The following ANO9 variants were observed in gnomAD, a reference collection of about 807,000 sequenced individuals.
ANO9 encodes the protein anoctamin-9.
A neutral mutation model predicts 100.5 loss-of-function variants in ANO9; 80 were observed. That is an observed-to-expected ratio of 0.80 (90% CI 0.66 to 0.96). ANO9 has a LOEUF of 0.96. Among genes scored for constraint, ANO9 ranks in the 40% least tolerant of loss-of-function variants. ANO9 has a pLI of 0.00. For missense variants in ANO9, 1,064 were observed against 1,072.7 expected (o/e 0.99, Z 0.11); for synonymous variants, 473 against 435.6 (o/e 1.09, Z -1.07).
chr11:433,495 A>G, intron 3 of ANO9, 36 bp from the exon 4 acceptor site: 1 of 1,590,646 alleles, frequency 6.3e-7, no homozygotes, highest in Non-Finnish European at 8.6e-7. Flanking sequence ...CCACCTCAGA[A>G]CCCTCCCCGC....
In ANO9 at chr11:432,367, T is replaced by TGCGGGCCCCATGTGTCCAGA. The variant is rs1590488793; in HGVS notation, c.351-333_351-314dup. On this transcript the variant is annotated intron_variant, in intron 4 of 22. Coordinates refer to ENST00000332826, the MANE Select transcript of ANO9 (RefSeq NM_001012302.3). The surrounding 1 kb of genome is among the most constrained non-coding windows in gnomAD (Gnocchi z 4.8). ...CGCACCTGCAACCACACCTCCCACC[T>TGCGGGCCCCATGTGTCCAGA]GCGGGCCCCATGTGTCCAGAGCACA... The TGCGGGCCCCATGTGTCCAGA allele has an allele frequency of 2.2e-6, 1 of 452,320 alleles. No homozygotes were observed. Among genetic ancestry groups the TGCGGGCCCCATGTGTCCAGA allele is most frequent in the East Asian group, 4.1e-5 (1 of 24,384 alleles). The allele number at this position is 452,320 out of a possible 1,614,324, so 28.0% of individuals were successfully genotyped here. A position where few individuals can be genotyped will look rare whatever the true frequency, so the allele number is the denominator to read the frequency against.
rs1259256588 is a variant in ANO9, at chr11:420,535, C to T, written c.1714G>A (p.Glu572Lys). ...PLLALFSNLV[E>K]IRLDAIKMVW... Reference sequence around the variant, plus strand: ...ATCTTGATGGCGTCCAGGCGGATCTCCACGAGGTTGCTGAAGAGCGCGAGC... The same window carrying T: ...ATCTTGATGGCGTCCAGGCGGATCTTCACGAGGTTGCTGAAGAGCGCGAGC... The change falls in exon 19 of 23, where the codon GAG becomes AAG. Residue 572 changes from glutamate to lysine, a missense_variant. By Grantham distance (56) the Glu-to-Lys change is moderately conservative. Transcript: ENST00000332826. 1 of 1,606,160 alleles carries T rather than the reference C, an allele frequency of 6.2e-7. No individual in the cohort carries two copies. The highest frequency in any genetic ancestry group is 1.1e-5 in the South Asian group (1 of 91,026).
At chr11:436,066 T>TA (rs912928812) in intron 1 of ANO9, among the ~76,000 whole-genome samples, 8 of 138,754 alleles carry the variant, frequency 5.8e-5, no homozygotes, top group African/African-American at 2.2e-4. Context: ...TTCTTTCCTT[T>TA]TTTTTTTTTT....
intron 19 of ANO9, chr11:420,027 G>T: frequency 7.4e-7 from 1 of 1,345,884 alleles, no homozygotes; most frequent in Non-Finnish European, 9.6e-7. Flanking sequence ...CCACCCCAGG[G>T]TAAGACCTTG....
chr11:428,553 G>T lies in ANO9; in HGVS notation c.1107C>A (p.Phe369Leu). Reference protein sequence around the residue: ...SALFSSSAVPFLEEQVTTAVV... With the variant: ...SALFSSSAVPLLEEQVTTAVV... Reference sequence around the variant, plus strand: ...CGGCCGTGGTCACCTGCTCCTCCAGGAAGGGCACGGCCGAGCTGCTGAAGA... The same window carrying T: ...CGGCCGTGGTCACCTGCTCCTCCAGTAAGGGCACGGCCGAGCTGCTGAAGA... Residue 369 changes from phenylalanine to leucine, a missense_variant, in exon 13 of 23, where the codon TTC becomes TTA. Transcript: ENST00000332826. The T allele has an allele frequency of 1.2e-6, 2 of 1,612,700 alleles. No homozygotes were observed. The highest frequency in any genetic ancestry group is 8.5e-7 in the Non-Finnish European group (1 of 1,179,930).
rs1351035491 is a variant in ANO9 at position 441,993 on chromosome 11, TCCTA to T, written c.-71_-68del. On this transcript the variant is annotated 5_prime_UTR_variant, in exon 1 of 23. Transcript: ENST00000332826. The stretch of plus-strand genomic sequence containing the variant: ...GAGAGTGGCTGCCAGCGGCGGGTGC[TCCTA>T]CCTGACTTCCGCGTGGGGCTCGCCC... 1 of 1,577,406 alleles carries T rather than the reference TCCTA, an allele frequency of 6.3e-7. No individual in the cohort carries two copies. The highest frequency in any genetic ancestry group is 1.3e-5 in the African/African-American group (1 of 74,654).
Position 420,730 on chromosome 11 carries a change from A to T in ANO9, c.1621T>A (p.Phe541Ile). The T allele has an allele frequency of 6.2e-7, 1 of 1,608,518 alleles. No individual in the cohort carries two copies. Among genetic ancestry groups the T allele is most frequent in the Non-Finnish European group, 8.5e-7 (1 of 1,178,516 alleles). ...PVNTFSLFDE[F>I]MEMMIQYGFT... is the part of the protein sequence containing the mutation. ...AGCGCCCACGCACTCATCTCCATGA[A>T]CTCGTCGAACAGGCTGAAGGTGTTG... Residue 541 changes from phenylalanine to isoleucine, a missense_variant, in exon 18 of 23, where the codon TTC becomes ATC. By Grantham distance (21) the Phe-to-Ile change is conservative. Coordinates refer to ENST00000332826, the MANE Select transcript of ANO9 (RefSeq NM_001012302.3).
chr11:437,463 G>A (rs1052810942), intron 1 of ANO9, among the ~76,000 whole-genome samples: 10 of 151,564 alleles, frequency 6.6e-5, no homozygotes, highest in Non-Finnish European at 1.5e-5. Context: ...TCCTATCCTA[G>A]ACCAGTAGTT....
At chr11:438,637 G>A (rs1845580864) in intron 1 of ANO9, among the ~76,000 whole-genome samples, 1 of 149,332 alleles carries the variant, frequency 6.7e-6, no homozygotes, top group Non-Finnish European at 1.5e-5. Flanking sequence ...CATCCCCCGG[G>A]CCACAGCCAC....
intron 15 of ANO9, among the ~76,000 whole-genome samples, chr11:425,964 C>A (rs1024195122): frequency 1.3e-5 from 2 of 152,064 alleles, no homozygotes; most frequent in African/African-American, 4.8e-5. Flanking sequence ...AATCTCTTGA[C>A]CTCATGATCC....
At chr11:434,820 G>A (rs926547264) in intron 1 of ANO9, among the ~76,000 whole-genome samples, 6 of 152,160 alleles carry the variant, frequency 3.9e-5, no homozygotes, top group Admixed American at 1.3e-4. Context: ...TTCCGGAGGA[G>A]GGGAATTTGC....
intron 1 of ANO9, 82 bp from the exon 2 acceptor site, chr11:434,180 A>G: frequency 2.0e-6 from 3 of 1,467,684 alleles, no homozygotes; most frequent in Non-Finnish European, 2.8e-6. Context: ...CCTGCAGCGG[A>G]CCACATGGTC....
At chr11:419,158 G>A (rs1848021644) in intron 20 of ANO9, 169 bp from the exon 21 acceptor site, 4 of 1,443,124 alleles carry the variant, frequency 2.8e-6, no homozygotes, top group Non-Finnish European at 3.6e-6. Flanking sequence ...TTCACATCCG[G>A]GGGCCTTGTG....
rs1364417021 is a variant in ANO9, at chr11:419,412, TGCC to T, written c.1934+167_1934+169del. On this transcript the variant is annotated intron_variant, in intron 20 of 22. Coordinates refer to ENST00000332826, the MANE Select transcript of ANO9 (RefSeq NM_001012302.3). ...TATCCCTGACCTCCAGCCCAGGGCC[TGCC>T]GTCAGTGGGCGCAGGGCAGGGGCCA... 2.8e-6 allele frequency: 4 copies of T among 1,426,222 alleles called. No individual in the cohort carries two copies. In the African/African-American group the frequency reaches 5.8e-5, roughly 21 times the overall value. The allele number at this position is 1,426,222 out of a possible 1,614,324, so 88.3% of individuals were successfully genotyped here.
intron 1 of ANO9, 117 bp downstream of exon 1, chr11:441,804 C>A (rs925457471): frequency 1.3e-5 from 18 of 1,432,326 alleles, no homozygotes; most frequent in African/African-American, 2.9e-5. Context: ...CAGGGACCCC[C>A]CCCACACACA....
Position 429,820 on chromosome 11 carries a change from T to G in ANO9, c.772-2A>C. The G allele has an allele frequency of 6.4e-7, 1 of 1,570,658 alleles. No individual in the cohort carries two copies. The highest frequency in any genetic ancestry group is 8.6e-7 in the Non-Finnish European group (1 of 1,156,640). ...ATCATTGTCAAAGAGGTGGGTGAGC[T>G]GGGGGGGTGATAGGTGGGCCGGAGA... On this transcript the variant is annotated splice_acceptor_variant, in intron 9 of 22. Coordinates refer to ENST00000332826, the MANE Select transcript of ANO9 (RefSeq NM_001012302.3). LOFTEE classifies it high-confidence loss of function.
intron 1 of ANO9, among the ~76,000 whole-genome samples, chr11:434,304 G>A (rs1035477833): frequency 6.6e-6 from 1 of 152,214 alleles, no homozygotes; most frequent in African/African-American, 2.4e-5. Flanking sequence ...TGTGGAAACA[G>A]AAGCGCGTGA....
Position 420,557 on chromosome 11 carries a change from G to C in ANO9, c.1692C>G (p.Leu564=), listed in dbSNP as rs958037368. ...TCTCCACGAGGTTGCTGAAGAGCGC[G>C]AGCAGCGGCGCCAGCGGGAAGGCGG... ...FVAAFPLAPL[L]ALFSNLVEIR... is the part of the protein sequence containing the mutation. The change falls in exon 19 of 23, where the codon CTC becomes CTG. Residue 564 remains leucine, a synonymous_variant. Coordinates refer to ENST00000332826, the MANE Select transcript of ANO9 (RefSeq NM_001012302.3). 5 of 1,605,568 alleles carry C rather than the reference G, an allele frequency of 3.1e-6. No homozygotes were observed. Among genetic ancestry groups the C allele is most frequent in the Non-Finnish European group, 3.4e-6 (4 of 1,179,580 alleles).
chr11:441,628 T>C (rs756615061), intron 1 of ANO9, among the ~76,000 whole-genome samples: 1 of 152,186 alleles, frequency 6.6e-6, no homozygotes, highest in Non-Finnish European at 1.5e-5. Flanking sequence ...TAGAGGTTCC[T>C]GGCCCCACAC....
Sources: allele counts gnomAD v4.1 joint callset (sites outside exome capture counted in the v4.1 genomes callset), GRCh38; gene constraint gnomAD v4.1.1; non-coding constraint Gnocchi (gnomAD v3.1); transcripts MANE v1.5; gene names NCBI Gene and HGNC (gene_info 2026-07-23, HGNC 2026-07-21).